KDM2A: variants seen among roughly 807,000 people sequenced by gnomAD.
KDM2A encodes lysine demethylase 2A.
Under a neutral mutation model 137.3 loss-of-function variants are expected in KDM2A, and 3 were observed. The observed-to-expected ratio is 0.02, with a 90% confidence interval of 0.01 to 0.06. KDM2A has a LOEUF of 0.06. Among genes scored for constraint, KDM2A ranks in the 10% least tolerant of loss-of-function variants. The pLI, the probability that KDM2A is intolerant of heterozygous loss-of-function variation, is 1.00. For missense variants in KDM2A, 738 were observed against 1,510.6 expected, an observed-to-expected ratio of 0.49 and a Z score of 8.48; for synonymous variants, 512 against 541.5, an observed-to-expected ratio of 0.95 and a Z score of 0.76.
intron 2 of KDM2A, among the ~76,000 whole-genome samples, chr11:67,122,364 C>T (rs1283460159): frequency 6.6e-6 from 1 of 152,130 alleles, no homozygotes; most frequent in Non-Finnish European, 1.5e-5. Context: ...CTCACTCTGT[C>T]GCCCACGCTT....
At chr11:67,205,553 G>A (rs577114697) in intron 5 of KDM2A, among the ~76,000 whole-genome samples, 13 of 152,010 alleles carry the variant, frequency 8.6e-5, no homozygotes, top group African/African-American at 2.4e-4. Context: ...TCACCCTCCC[G>A]AGTAGCCGGG....
chr11:67,162,657 C>T lies in KDM2A; in HGVS notation c.43-17422C>T, dbSNP rs541165085. 4.9e-4 allele frequency among the ~76,000 whole-genome samples: 74 copies of T among 151,996 alleles called. 1 individual carries two copies. The Middle Eastern group carries it at 0.014, about 28-fold the overall frequency. ...CTGACCTCAAGTGATCCGCCCGCCT[C>T]GGCCTCCCAAAGTGCTGGGATTACA... On this transcript the variant is annotated intron_variant, in intron 2 of 20. Coordinates refer to ENST00000529006, the MANE Select transcript of KDM2A (RefSeq NM_012308.3).
intron 18 of KDM2A, 78 bp from the exon 19 acceptor site, chr11:67,253,375 C>A: frequency 7.6e-7 from 1 of 1,308,278 alleles, no homozygotes; most frequent in South Asian, 1.3e-5. Context: ...GAAGTTTGTT[C>A]ACTTTGCTCA....
intron 15 of KDM2A, among the ~76,000 whole-genome samples, chr11:67,247,290 G>A (rs1262054780): frequency 3.4e-5 from 5 of 148,998 alleles, no homozygotes; most frequent in African/African-American, 7.4e-5. Context: ...GGGTGTCACC[G>A]TGTTGGCCAG....
rs565877361 is a variant in KDM2A, at chr11:67,147,398, C to T, written c.42+26040C>T. Reference sequence around the variant, plus strand: ...TCTACTAAAAATAAAGAAAATTAGCCGGGTGTGGTGGCGGGTGCCTGTAGT... The same window carrying T: ...TCTACTAAAAATAAAGAAAATTAGCTGGGTGTGGTGGCGGGTGCCTGTAGT... On this transcript the variant is annotated intron_variant, in intron 2 of 20. Transcript: ENST00000529006. 4.6e-5 allele frequency among the ~76,000 whole-genome samples: 7 copies of T among 151,788 alleles called. No individual in the cohort carries two copies. In the South Asian group the frequency reaches 6.2e-4, roughly 14 times the overall value.
intron 12 of KDM2A, among the ~76,000 whole-genome samples, chr11:67,242,210 C>T (rs1262673780): frequency 2.0e-5 from 3 of 152,004 alleles, no homozygotes. Context: ...AGAACTTTTG[C>T]CCCTAAGATT....
chr11:67,216,535 C>A (rs1216166623), intron 8 of KDM2A, among the ~76,000 whole-genome samples: 3 of 152,242 alleles, frequency 2.0e-5, no homozygotes, highest in Admixed American at 6.5e-5. Context: ...TAGTATTATA[C>A]TCTTGTTACT....
Position 67,245,844 on chromosome 11 carries a change from G to A in KDM2A, c.1834-141G>A, listed in dbSNP as rs887621956. 3.8e-5 allele frequency: 38 copies of A among 993,482 alleles called. No homozygotes were observed. The highest frequency in any genetic ancestry group is 5.6e-5 in the Admixed American group (2 of 35,930). 61.5% of individuals were successfully genotyped at this position (993,482 alleles called of 1,614,324 possible). On this transcript the variant is annotated intron_variant, in intron 14 of 20. Coordinates refer to ENST00000529006, the MANE Select transcript of KDM2A (RefSeq NM_012308.3). This position sits in a 1 kb window ranked among gnomAD's most constrained non-coding sequence, Gnocchi z 4.1. ...GTCATTTTTCCTACCCAAAACCTCC[G>A]TTCTCTCCACCCTGCCTCCATGCTT...
intron 2 of KDM2A, among the ~76,000 whole-genome samples, chr11:67,130,656 C>G (rs1351132284): frequency 6.6e-6 from 1 of 152,046 alleles, no homozygotes; most frequent in Non-Finnish European, 1.5e-5. Context: ...GTAACGGACA[C>G]TCTTAATTAG....
intron 2 of KDM2A, among the ~76,000 whole-genome samples, chr11:67,122,830 T>C (rs904287583): frequency 5.3e-5 from 8 of 151,324 alleles, no homozygotes; most frequent in Non-Finnish European, 1.2e-4. Flanking sequence ...CGCCCACCAC[T>C]ACGCCCAGCT....
chr11:67,167,580 A>G (rs1370912701), intron 2 of KDM2A, among the ~76,000 whole-genome samples: 1 of 146,226 alleles, frequency 6.8e-6, no homozygotes, highest in East Asian at 1.9e-4. Flanking sequence ...CTGCCTTCAC[A>G]GCTATCTTTT....
intron 12 of KDM2A, among the ~76,000 whole-genome samples, chr11:67,235,366 G>A (rs1205759100): frequency 2.7e-5 from 4 of 148,954 alleles, no homozygotes; most frequent in Non-Finnish European, 4.4e-5. Context: ...GTGCAATGGC[G>A]CAGTCTTGGC....
chr11:67,247,037 T>TTTTATATATATATATA (rs1160586326), intron 15 of KDM2A, among the ~76,000 whole-genome samples: 1 of 33,078 alleles, frequency 3.0e-5, no homozygotes, highest in African/African-American at 1.1e-4. Context: ...ATAAATTATT[T>TTTTATATATATATATA]TATATATATA....
chr11:67,121,244 T>C lies in KDM2A; in HGVS notation c.-73T>C. The C allele has an allele frequency of 9.0e-7, 1 of 1,105,838 alleles. No homozygotes were observed. Among genetic ancestry groups the C allele is most frequent in the East Asian group, 2.4e-5 (1 of 42,496 alleles). The allele number at this position is 1,105,838 out of a possible 1,614,324, so 68.5% of individuals were successfully genotyped here. A position where few individuals can be genotyped will look rare whatever the true frequency, so the allele number is the denominator to read the frequency against. ...ATCATTATTCTTTAGTGTTGCAATC[T>C]GGTTCCTAAGGAGGAAGAGGAAGGC... On this transcript the variant is annotated 5_prime_UTR_variant, in exon 2 of 21. Coordinates refer to ENST00000529006, the MANE Select transcript of KDM2A (RefSeq NM_012308.3).
chr11:67,180,416 A>C (rs1448863224), intron 3 of KDM2A, 199 bp downstream of exon 3: 1 of 451,816 alleles, frequency 2.2e-6, no homozygotes, highest in Non-Finnish European at 3.8e-6. Flanking sequence ...CCTATATTAG[A>C]AGTAATCTTT....
At position 67,180,572 on chromosome 11, in the gene KDM2A, C is replaced by T. The variant is rs1857069157; in HGVS notation, c.181+355C>T. 6 of 181,272 alleles carry T rather than the reference C, an allele frequency of 3.3e-5. No homozygotes were observed. The Admixed American group carries it at 3.6e-4, about 11-fold the overall frequency. The allele number at this position is 181,272 out of a possible 1,614,324, so 11.2% of individuals were successfully genotyped here. A position where few individuals can be genotyped will look rare whatever the true frequency, so the allele number is the denominator to read the frequency against. The stretch of plus-strand genomic sequence containing the variant: ...CCCCACCAAAACTGAGGGTGGGATT[C>T]CATGCGCACCGTGCATCTTTGATCC... On this transcript the variant is annotated intron_variant, in intron 3 of 20. Coordinates refer to ENST00000529006, the MANE Select transcript of KDM2A (RefSeq NM_012308.3).
intron 2 of KDM2A, among the ~76,000 whole-genome samples, chr11:67,177,259 C>T (rs1277537332): frequency 1.3e-5 from 2 of 152,062 alleles, no homozygotes; most frequent in African/African-American, 4.8e-5. Flanking sequence ...GAGCAAGACT[C>T]CGTCTCAAAA....
intron 2 of KDM2A, among the ~76,000 whole-genome samples, chr11:67,141,527 TGTG>T (rs994228106): frequency 7.3e-5 from 11 of 151,020 alleles, no homozygotes; most frequent in African/African-American, 2.7e-4. Context: ...ATAAGCCAGG[TGTG>T]GTGGCAGGTA....
At chr11:67,221,336 G>A (rs1197150001) in intron 10 of KDM2A, among the ~76,000 whole-genome samples, 1 of 152,170 alleles carries the variant, frequency 6.6e-6, no homozygotes, top group African/African-American at 2.4e-5. Flanking sequence ...GCAGAGAAGA[G>A]TGTAGAACTA....
Sources: allele counts gnomAD v4.1 joint callset (sites outside exome capture counted in the v4.1 genomes callset), GRCh38; gene constraint gnomAD v4.1.1; non-coding constraint Gnocchi (gnomAD v3.1); transcripts MANE v1.5; gene names NCBI Gene and HGNC (gene_info 2026-07-23, HGNC 2026-07-21).